Variants in ADGRL2 observed in about 807,000 individuals in gnomAD.
The protein encoded by ADGRL2 is calcium-independent alpha-latrotoxin receptor 2.
A neutral mutation model predicts 157.4 loss-of-function variants in ADGRL2; 44 were observed. The observed-to-expected ratio is 0.28, with a 90% CI of 0.22 to 0.36. The LOEUF (loss-of-function observed/expected upper bound fraction) is 0.36. Among genes scored for constraint, ADGRL2 ranks in the 10% least tolerant of loss-of-function variants. ADGRL2 has a pLI of 1.00. For missense variants in ADGRL2, 1,510 were observed against 1,768.9 expected (o/e 0.85, Z 2.63); for synonymous variants, 585 against 624.7 (o/e 0.94, Z 0.95).
chr1:81,682,902 C>T (rs1316354524), intron 3 of ADGRL2, among the ~76,000 whole-genome samples: 2 of 152,064 alleles, frequency 1.3e-5, no homozygotes, highest in Non-Finnish European at 2.9e-5. Flanking sequence ...GAGGCCGAGG[C>T]GGGTGGATCA....
At chr1:81,665,669 T>C (rs2082737417) in intron 3 of ADGRL2, among the ~76,000 whole-genome samples, 1 of 152,154 alleles carries the variant, frequency 6.6e-6, no homozygotes, top group African/African-American at 2.4e-5. Context: ...AATTCATAAA[T>C]CTCTGAGAGA....
chr1:81,635,174 A>G (rs966467896), intron 3 of ADGRL2, among the ~76,000 whole-genome samples: 18 of 152,184 alleles, frequency 1.2e-4, no homozygotes, highest in Admixed American at 6.5e-5. Flanking sequence ...CGTCATCCAC[A>G]GCAGTAACTT....
upstream of ADGRL2, among the ~76,000 whole-genome samples, chr1:81,797,675 A>G (rs1030441990): frequency 2.0e-5 from 3 of 152,214 alleles, no homozygotes; most frequent in Admixed American, 2.0e-4. Flanking sequence ...TCACTTCCCT[A>G]TAAACAAAGA....
chr1:81,328,219 A>G (rs1382140331), intron 1 of ADGRL2, among the ~76,000 whole-genome samples: 3 of 152,124 alleles, frequency 2.0e-5, no homozygotes, highest in Non-Finnish European at 4.4e-5. Flanking sequence ...ATTTCTACCA[A>G]CTACATACTC....
In ADGRL2 at chr1:81,557,482, G is replaced by GAA. The variant is rs370696204; in HGVS notation, c.-247-23393_-247-23392dup. 3.2e-3 allele frequency: 389 copies of GAA among 119,974 alleles called. 5 individuals carry two copies. The highest frequency in any genetic ancestry group is 0.012 in the African/African-American group (379 of 31,956). 7.4% of individuals were successfully genotyped at this position (119,974 alleles called of 1,614,324 possible). A position where few individuals can be genotyped will look rare whatever the true frequency, so the allele number is the denominator to read the frequency against. ...AAGAAAGAAAGAAGAAAGAAAGAAA[G>GAA]AAGAAAGAAAGAAAGAAAGAAAGAA... On this transcript the variant is annotated intron_variant, in intron 2 of 24. Transcript: ENST00000370721.
upstream of ADGRL2, among the ~76,000 whole-genome samples, chr1:81,799,409 G>T (rs530620706): frequency 6.6e-6 from 1 of 152,168 alleles, no homozygotes; most frequent in African/African-American, 2.4e-5. Flanking sequence ...ATTATCAAAG[G>T]TTCTTTTTTA....
At chr1:81,886,338 A>AT (rs1459784012) in intron 2 of ADGRL2, among the ~76,000 whole-genome samples, 2 of 152,084 alleles carry the variant, frequency 1.3e-5, no homozygotes, top group African/African-American at 4.8e-5. Flanking sequence ...CACCCGGCTA[A>AT]TTTTTTGTGT....
At chr1:81,911,322 G>A (rs984168612) in intron 3 of ADGRL2, among the ~76,000 whole-genome samples, 1 of 151,698 alleles carries the variant, frequency 6.6e-6, no homozygotes, top group African/African-American at 2.4e-5. Context: ...TTGTTGGGGG[G>A]GGCAACTTAA....
At chr1:81,426,633 C>T (rs1010704093) in intron 1 of ADGRL2, 3 of 475,946 alleles carry the variant, frequency 6.3e-6, no homozygotes, top group Non-Finnish European at 1.2e-5. Context: ...AAAATGGGCA[C>T]ACTCACAGAT....
At chr1:81,392,406 G>A (rs1045999250) in intron 1 of ADGRL2, among the ~76,000 whole-genome samples, 1 of 152,034 alleles carries the variant, frequency 6.6e-6, no homozygotes, top group African/African-American at 2.4e-5. Flanking sequence ...TGGATACTAA[G>A]TCTCATCTAT....
chr1:81,607,333 A>T (rs549923220), intron 3 of ADGRL2, among the ~76,000 whole-genome samples: 29 of 152,332 alleles, frequency 1.9e-4, no homozygotes, highest in African/African-American at 6.5e-4. Context: ...CCGGTGAATG[A>T]AATACATGTA....
chr1:81,702,283 C>G (rs770176580), intron 1 of ADGRL2, among the ~76,000 whole-genome samples: 96 of 152,166 alleles, frequency 6.3e-4, no homozygotes, highest in Non-Finnish European at 1.1e-3. Context: ...TACGTGTTTT[C>G]AATATGACCA....
chr1:81,920,863 GA>G (rs113617297), intron 3 of ADGRL2, among the ~76,000 whole-genome samples: 11,103 of 137,746 alleles, frequency 0.081, 437 homozygotes, highest in African/African-American at 0.12. Context: ...GGTTTTAAAG[GA>G]AAAAAAAAAC....
intron 1 of ADGRL2, among the ~76,000 whole-genome samples, chr1:81,402,109 C>T (rs2076767423): frequency 6.6e-6 from 1 of 152,090 alleles, no homozygotes. Flanking sequence ...AGTCTGTCTT[C>T]CTTCTTTCTC....
chr1:81,502,929 C>G (rs1438797567), intron 2 of ADGRL2: 8 of 1,612,194 alleles, frequency 5.0e-6, no homozygotes, highest in Non-Finnish European at 6.8e-6. Context: ...CTCGAATATC[C>G]CCAGCAACCA....
chr1:81,506,834 T>C (rs1161658224), intron 2 of ADGRL2, among the ~76,000 whole-genome samples: 1 of 152,228 alleles, frequency 6.6e-6, no homozygotes, highest in Non-Finnish European at 1.5e-5. Flanking sequence ...TCTTGCTTAG[T>C]CCAGTCTTTT....
chr1:81,884,331 T>C (rs1360640906), intron 2 of ADGRL2, among the ~76,000 whole-genome samples: 8 of 152,188 alleles, frequency 5.3e-5, no homozygotes, highest in Admixed American at 5.2e-4. Context: ...GTGAATGATT[T>C]TTAAAGAATC....
Position 81,969,166 on chromosome 1 carries a change from T to C in ADGRL2, c.2524-12T>C. Reference sequence around the variant, plus strand: ...AGGAATACTAATGTTCCTCATATCTTTTTATTTTCAGTATAAAGATGGCGT... The same window carrying C: ...AGGAATACTAATGTTCCTCATATCTCTTTATTTTCAGTATAAAGATGGCGT... On this transcript the variant is annotated splice_polypyrimidine_tract_variant and intron_variant, in intron 14 of 23. Transcript: ENST00000686636. 1.9e-6 allele frequency: 3 copies of C among 1,597,138 alleles called. No homozygotes were observed. Among genetic ancestry groups the C allele is most frequent in the Non-Finnish European group, 2.6e-6 (3 of 1,165,142 alleles).
intron 2 of ADGRL2, among the ~76,000 whole-genome samples, chr1:81,563,734 CAAG>C (rs1452540919): frequency 1.3e-5 from 2 of 152,162 alleles, no homozygotes; most frequent in Non-Finnish European, 2.9e-5. Context: ...ATCCTGCCTA[CAAG>C]AAGCATAACA....
Sources: gnomAD v4.1 joint callset for allele counts (sites outside exome capture counted in the v4.1 genomes callset) on GRCh38, gnomAD v4.1.1 for gene constraint, MANE v1.5 for transcripts, NCBI Gene and HGNC (gene_info 2026-07-23, HGNC 2026-07-21) for gene names.